TLK1: variants seen among roughly 807,000 people sequenced by gnomAD.
TLK1 encodes tousled like kinase 1.
TLK1 carries 24 observed loss-of-function variants against 105.3 expected under a neutral mutation model. The observed-to-expected ratio is 0.23, with a 90% CI of 0.17 to 0.32. The LOEUF is 0.32. Ranked by LOEUF, TLK1 falls within the 10% of genes least tolerant of loss-of-function variation. The pLI, the probability that TLK1 is intolerant of heterozygous loss-of-function variation, is 1.00. For missense variants in TLK1, 558 were observed against 910.5 expected, an observed-to-expected ratio of 0.61 and a Z score of 4.98; for synonymous variants, 321 against 310.4, an observed-to-expected ratio of 1.03 and a Z score of -0.36.
chr2:171,186,370 C>A (rs191981856), intron 1 of TLK1, among the ~76,000 whole-genome samples: 1 of 152,164 alleles, frequency 6.6e-6, no homozygotes, highest in East Asian at 1.9e-4. Flanking sequence ...GATTCTCAGT[C>A]AGGGAGATGA....
At position 171,160,579 on chromosome 2, in the gene TLK1, C is replaced by T; in HGVS notation, c.-151G>A. The stretch of plus-strand genomic sequence containing the variant: ...AGAGTCAAGGGGATGGGGGAGGAAA[C>T]CGAGAAGAGGGGAGGTGGGGAGGAA... On this transcript the variant is annotated 5_prime_UTR_variant, in exon 1 of 21. Coordinates refer to ENST00000431350, the MANE Select transcript of TLK1 (RefSeq NM_012290.5). The surrounding 1 kb of genome is among the most constrained non-coding windows in gnomAD (Gnocchi z 4.4). The T allele has an allele frequency of 4.6e-6, 6 of 1,310,426 alleles. No homozygotes were observed. Among genetic ancestry groups the T allele is most frequent in the South Asian group, 4.2e-5 (3 of 70,854 alleles). The allele number at this position is 1,310,426 out of a possible 1,614,324, so 81.2% of individuals were successfully genotyped here.
At chr2:171,226,482 T>C (rs1197144324) in intron 1 of TLK1, among the ~76,000 whole-genome samples, 1 of 152,142 alleles carries the variant, frequency 6.6e-6, no homozygotes, top group Non-Finnish European at 1.5e-5. Context: ...GAGGGCCATG[T>C]TTTCCATATA....
intron 1 of TLK1, among the ~76,000 whole-genome samples, chr2:171,159,243 G>T (rs988218839): frequency 3.3e-5 from 5 of 152,206 alleles, no homozygotes; most frequent in Non-Finnish European, 7.3e-5. Context: ...AACTAGGAGT[G>T]AACAGCCCGT....
At chr2:171,044,618 C>T (rs1208812454) in intron 11 of TLK1, among the ~76,000 whole-genome samples, 5 of 151,882 alleles carry the variant, frequency 3.3e-5, no homozygotes, top group South Asian at 2.1e-4. Flanking sequence ...ATACGGTAAC[C>T]GAAACCCTAA....
At chr2:171,082,965 A>C in intron 2 of TLK1, 113 bp from the exon 3 acceptor site, 1 of 720,434 alleles carries the variant, frequency 1.4e-6, no homozygotes, top group Non-Finnish European at 2.3e-6. Context: ...AAATAAATAA[A>C]GTATAATTCC....
At chr2:171,097,002 C>G (rs1689481043) in intron 2 of TLK1, among the ~76,000 whole-genome samples, 1 of 152,132 alleles carries the variant, frequency 6.6e-6, no homozygotes, top group African/African-American at 2.4e-5. Flanking sequence ...CGTGTAACCT[C>G]AAAAGAACCC....
At chr2:171,100,545 C>T (rs1346243232) in intron 2 of TLK1, among the ~76,000 whole-genome samples, 1 of 152,158 alleles carries the variant, frequency 6.6e-6, no homozygotes, top group Non-Finnish European at 1.5e-5. Flanking sequence ...AGGCCATGTC[C>T]TTGAACCTCG....
chr2:171,082,008 G>C (rs1345836692), intron 3 of TLK1, among the ~76,000 whole-genome samples: 1 of 148,644 alleles, frequency 6.7e-6, no homozygotes, highest in Non-Finnish European at 1.5e-5. Flanking sequence ...GGATCAAGTA[G>C]AAATAAGACT....
At chr2:171,044,677 C>G (rs2105420160) in intron 11 of TLK1, among the ~76,000 whole-genome samples, 1 of 152,176 alleles carries the variant, frequency 6.6e-6, no homozygotes, top group South Asian at 2.1e-4. Flanking sequence ...ATGTGACGGC[C>G]TAGGACATAT....
chr2:171,055,135 A>T lies in TLK1; in HGVS notation c.587T>A (p.Phe196Tyr). The T allele has an allele frequency of 6.6e-7, 1 of 1,503,858 alleles. No individual in the cohort carries two copies. The highest frequency in any genetic ancestry group is 8.8e-7 in the Non-Finnish European group (1 of 1,133,074). 93.2% of individuals were successfully genotyped at this position (1,503,858 alleles called of 1,614,324 possible). A position where few individuals can be genotyped will look rare whatever the true frequency, so the allele number is the denominator to read the frequency against. Residue 196 changes from phenylalanine to tyrosine, a missense_variant, in exon 7 of 21, where the codon TTT (phenylalanine) becomes TAT (tyrosine). Around this residue, in one of 5 missense-constraint regions of TLK1, gnomAD observed 196 missense variants for 239.3 expected, o/e 0.82. Coordinates refer to ENST00000431350, the MANE Select transcript of TLK1 (RefSeq NM_012290.5). ...PNSPSPTALA[F>Y]GDHPIVQPKQ... ...TGGTTGTACAATAGGGTGGTCCCCA[A>T]ATGCTAATGCAGTAGGAGAAGGGCT...
chr2:171,066,935 T>C, intron 3 of TLK1: 1 of 1,544,918 alleles, frequency 6.5e-7, no homozygotes, highest in Non-Finnish European at 8.7e-7. Context: ...TTCAGATAAT[T>C]TATTCTGGAA....
intron 2 of TLK1, among the ~76,000 whole-genome samples, chr2:171,114,830 G>A (rs1690338823): frequency 6.6e-6 from 1 of 151,684 alleles, no homozygotes; most frequent in Non-Finnish European, 1.5e-5. Context: ...GTGAGATCCT[G>A]TCTCAGAGGG....
intron 1 of TLK1, among the ~76,000 whole-genome samples, chr2:171,140,641 G>A (rs1691536075): frequency 6.6e-6 from 1 of 152,166 alleles, no homozygotes; most frequent in South Asian, 2.1e-4. Context: ...CAGATTTATA[G>A]GGCCCCTATG....
chr2:171,125,306 T>C (rs1239860644), intron 1 of TLK1, among the ~76,000 whole-genome samples: 1 of 152,196 alleles, frequency 6.6e-6, no homozygotes, highest in Non-Finnish European at 1.5e-5. Context: ...GTTACTTTCA[T>C]GTATACTGTA....
chr2:171,043,536 G>A (rs7585418), intron 11 of TLK1, among the ~76,000 whole-genome samples: 50,309 of 151,948 alleles, frequency 0.33, 8,736 homozygotes, highest in African/African-American at 0.38. Flanking sequence ...ATGACTCTAC[G>A]ACATGAAAAC....
chr2:171,122,312 AT>A (rs1283628611), intron 1 of TLK1, among the ~76,000 whole-genome samples: 8 of 152,204 alleles, frequency 5.3e-5, no homozygotes, highest in African/African-American at 1.9e-4. Flanking sequence ...CCCTGGTGTA[AT>A]TCCTGGCACA....
At chr2:171,038,131 A>G (rs1360312121) in intron 11 of TLK1, among the ~76,000 whole-genome samples, 1 of 152,222 alleles carries the variant, frequency 6.6e-6, no homozygotes, top group Non-Finnish European at 1.5e-5. Context: ...TTTCAAATTT[A>G]AGCAATTTAT....
chr2:171,140,469 A>G (rs1691528698), intron 1 of TLK1, among the ~76,000 whole-genome samples: 1 of 152,218 alleles, frequency 6.6e-6, no homozygotes, highest in South Asian at 2.1e-4. Context: ...GAGGCTGGAA[A>G]GCTAAGCAAA....
At chr2:171,107,010 T>C (rs1379795631) in intron 2 of TLK1, among the ~76,000 whole-genome samples, 1 of 152,236 alleles carries the variant, frequency 6.6e-6, no homozygotes, top group Admixed American at 6.5e-5. Flanking sequence ...CTGATTGCTA[T>C]GTCTTGTCTC....
Sources: gnomAD v4.1 joint callset for allele counts (sites outside exome capture counted in the v4.1 genomes callset) on GRCh38, gnomAD v4.1.1 for gene constraint, gnomAD v4.1.1 regional missense constraint, Gnocchi (gnomAD v3.1) non-coding constraint, MANE v1.5 for transcripts, NCBI Gene and HGNC (gene_info 2026-07-23, HGNC 2026-07-21) for gene names.